The following PSMA6 variants were observed in gnomAD, a reference collection of about 807,000 sequenced individuals.
PSMA6 encodes proteasome 20S subunit alpha 6, also known as proteasome subunit alpha type-6.
For synonymous variants in PSMA6, 88 were observed against 97.7 expected, an observed-to-expected ratio of 0.90 and a Z score of 0.59; for missense variants, 170 against 294.8, an observed-to-expected ratio of 0.58 and a Z score of 3.10.
chr14:35,283,374 A>G (rs2051387975), intron 1 of PSMA6, among the ~76,000 whole-genome samples: 1 of 151,724 alleles, frequency 6.6e-6, no homozygotes, highest in Non-Finnish European at 1.5e-5. Context: ...AAAAAAAAAA[A>G]AAAAGAGAGA....
At chr14:35,298,396 A>G (rs1450089303) in intron 1 of PSMA6, among the ~76,000 whole-genome samples, 1 of 152,118 alleles carries the variant, frequency 6.6e-6, no homozygotes, top group Non-Finnish European at 1.5e-5. Context: ...AGGCTGAGAC[A>G]GGAGAATTGC....
At chr14:35,313,628 G>C (rs1402419148) in intron 5 of PSMA6, 1 of 152,126 alleles carries the variant, frequency 6.6e-6, no homozygotes, top group African/African-American at 2.4e-5. Context: ...ATTTCTTAAA[G>C]GTTTCTTTTA....
chr14:35,292,733 C>T (rs2051509801), intron 1 of PSMA6, 181 bp downstream of exon 1: 2 of 1,206,998 alleles, frequency 1.7e-6, no homozygotes, highest in Admixed American at 2.9e-5. Flanking sequence ...ACGCAGGGAT[C>T]GGGGGCCTGA....
chr14:35,308,818 A>G (rs1307558001), intron 2 of PSMA6, 96 bp from the exon 3 acceptor site: 1 of 840,718 alleles, frequency 1.2e-6, no homozygotes, highest in Non-Finnish European at 2.0e-6. Context: ...TGTTTTCTCC[A>G]AGAAGCAGGG....
rs2051419400 is a variant in PSMA6, at chr14:35,286,121, AC to A, written c.19+7404del. On this transcript the variant is annotated intron_variant, in intron 1 of 6. Coordinates refer to the PSMA6 transcript ENST00000540871. ...GACTTCTATGCCTTTTAAAGTGGGT[AC>A]AGCATACTCACCTGTTTGAGAGAAG... Among the ~76,000 whole-genome samples the A allele has an allele frequency of 2.6e-5, 4 of 152,324 alleles. No individual in the cohort carries two copies. The South Asian group carries it at 8.3e-4, about 32-fold the overall frequency.
Position 35,285,278 on chromosome 14 carries a change from T to C in PSMA6, c.19+6560T>C, listed in dbSNP as rs1043988242. 9.4e-5 allele frequency among the ~76,000 whole-genome samples: 14 copies of C among 149,686 alleles called. No individual in the cohort carries two copies. The East Asian group carries it at 2.7e-3, about 29-fold the overall frequency. On this transcript the variant is annotated intron_variant, in intron 1 of 6. Coordinates refer to the PSMA6 transcript ENST00000540871. ...GGAGGATCGCCTGGGAGGCAGAGGTTGCAGTGAGCCAAGATCGTGCCACTG... is the reference window on the plus strand; with the variant it reads ...GGAGGATCGCCTGGGAGGCAGAGGTCGCAGTGAGCCAAGATCGTGCCACTG...
At chr14:35,298,289 A>G (rs2051638052) in intron 1 of PSMA6, among the ~76,000 whole-genome samples, 1 of 152,144 alleles carries the variant, frequency 6.6e-6, no homozygotes, top group Admixed American at 6.6e-5. Flanking sequence ...TAGGTGTTCA[A>G]GACCAGCCTG....
rs1003920000 is a variant in PSMA6, at chr14:35,292,415, G to A, written c.-62G>A. On this transcript the variant is annotated 5_prime_UTR_variant, in exon 1 of 7. It adds an upstream start codon to the 5' untranslated region. Transcript: ENST00000261479. ...TCGCTGCAACTTCCGGGAGGTGCTTGTGTGCCTGGTGCGGGAGCTACGGGG... is the reference window on the plus strand; with the variant it reads ...TCGCTGCAACTTCCGGGAGGTGCTTATGTGCCTGGTGCGGGAGCTACGGGG... 6.4e-6 allele frequency: 10 copies of A among 1,574,794 alleles called. No individual in the cohort carries two copies. In the African/African-American group the frequency reaches 1.4e-4, roughly 21 times the overall value.
chr14:35,299,849 CA>C, intron 1 of PSMA6, among the ~76,000 whole-genome samples: 1 of 152,244 alleles, frequency 6.6e-6, no homozygotes, highest in South Asian at 2.1e-4. Flanking sequence ...ACTGAAATTA[CA>C]GTGCAGCTTG....
intron 1 of PSMA6, among the ~76,000 whole-genome samples, chr14:35,295,093 T>C (rs2051557538): frequency 6.6e-6 from 1 of 152,116 alleles, no homozygotes; most frequent in Non-Finnish European, 1.5e-5. Context: ...ATCCCAGCAC[T>C]TTGGGAGGGC....
intron 1 of PSMA6, among the ~76,000 whole-genome samples, chr14:35,295,295 C>T (rs1016007172): frequency 3.3e-5 from 5 of 151,306 alleles, no homozygotes; most frequent in African/African-American, 1.2e-4. Flanking sequence ...CAAGACCGTG[C>T]CATTGCACCT....
At chr14:35,300,422 C>T (rs1256343565) in intron 1 of PSMA6, among the ~76,000 whole-genome samples, 4 of 151,996 alleles carry the variant, frequency 2.6e-5, no homozygotes, top group South Asian at 2.1e-4. Context: ...CAGTGAGCTA[C>T]GATCACACCA....
At chr14:35,287,180 G>T (rs560535239) in intron 1 of PSMA6, among the ~76,000 whole-genome samples, 3 of 152,188 alleles carry the variant, frequency 2.0e-5, no homozygotes, top group Non-Finnish European at 4.4e-5. Context: ...ACAGAGCCAG[G>T]TTCTTGTCCT....
intron 1 of PSMA6, among the ~76,000 whole-genome samples, chr14:35,281,384 C>G (rs1168018637): frequency 6.6e-6 from 1 of 152,164 alleles, no homozygotes; most frequent in East Asian, 1.9e-4. Context: ...TCTCCTGGAG[C>G]CTTCATTTCC....
chr14:35,305,658 C>T (rs2051809373), intron 1 of PSMA6, among the ~76,000 whole-genome samples: 1 of 151,622 alleles, frequency 6.6e-6, no homozygotes, highest in Non-Finnish European at 1.5e-5. Flanking sequence ...GAGTGACACT[C>T]GAAGACAGAA....
chr14:35,285,357 A>AAAC (rs771590782), intron 1 of PSMA6, among the ~76,000 whole-genome samples: 1 of 145,620 alleles, frequency 6.9e-6, no homozygotes, highest in African/African-American at 2.7e-5. Context: ...ACAAAAAACA[A>AAAC]AAAAAAAAAC....
chr14:35,298,363 C>T (rs1306706728), intron 1 of PSMA6, among the ~76,000 whole-genome samples: 1 of 151,714 alleles, frequency 6.6e-6, no homozygotes, highest in East Asian at 1.9e-4. Context: ...GGTGGCGTGC[C>T]CCTGTAGACC....
At chr14:35,281,116 C>G (rs1281816918) in intron 1 of PSMA6, among the ~76,000 whole-genome samples, 2 of 152,188 alleles carry the variant, frequency 1.3e-5, no homozygotes, top group Non-Finnish European at 2.9e-5. Flanking sequence ...TTGCCTTTCT[C>G]CCTACCCTGC....
intron 1 of PSMA6, among the ~76,000 whole-genome samples, chr14:35,283,385 G>C (rs1006147391): frequency 6.6e-6 from 1 of 150,424 alleles, no homozygotes; most frequent in African/African-American, 2.5e-5. Context: ...AAAAGAGAGA[G>C]AAAGAGAAAA....
Sources: allele counts gnomAD v4.1 joint callset (sites outside exome capture counted in the v4.1 genomes callset), GRCh38; gene constraint gnomAD v4.1.1; transcripts MANE v1.5; gene names NCBI Gene and HGNC (gene_info 2026-07-23, HGNC 2026-07-21).